PIK3R3: variants seen among roughly 807,000 people sequenced by gnomAD.
The protein encoded by PIK3R3 is phosphoinositide-3-kinase regulatory subunit 3.
PIK3R3 carries 64 observed loss-of-function variants against 62.9 expected under a neutral mutation model. That is an observed-to-expected ratio of 1.02 (90% confidence interval 0.83 to 1.25). The LOEUF (loss-of-function observed/expected upper bound fraction) is 1.25, where lower values mean the gene tolerates loss of function less well. PIK3R3 is among the 50% of genes most tolerant of loss of function. The pLI is 0.00. For synonymous variants in PIK3R3, 165 were observed against 189.0 expected, an observed-to-expected ratio of 0.87 and a Z score of 1.04; for missense variants, 614 against 561.6, an observed-to-expected ratio of 1.09 and a Z score of -0.94.
chr1:46,045,982 T>G lies in PIK3R3; in HGVS notation c.1123A>C (p.Lys375Gln). Residue 375 changes from lysine to glutamine, a missense_variant, in exon 9 of 10, where the codon AAA becomes CAA. Physicochemically the swap from Lys to Gln is moderately conservative, Grantham distance 53. Transcript: ENST00000262741. ...CGAATTAAGAATGCACCATCAGGTT[T>G]CCCATAAAGCAAGTCCTCTGCTTGT... ...RVQAEDLLYG[K>Q]PDGAFLIRES... 1 of 1,613,700 alleles carries G rather than the reference T, an allele frequency of 6.2e-7. No individual in the cohort carries two copies. Among genetic ancestry groups the G allele is most frequent in the Non-Finnish European group, 8.5e-7 (1 of 1,179,764 alleles).
rs118093486 is a variant in PIK3R3, at chr1:46,118,014, G to A, written c.106+13833C>T. 3.0e-3 allele frequency among the ~76,000 whole-genome samples: 443 copies of A among 149,124 alleles called. 3 individuals are homozygous for A. Among genetic ancestry groups the A allele is most frequent in the East Asian group, 0.022 (105 of 4,874 alleles). On this transcript the variant is annotated intron_variant, in intron 1 of 9. Transcript: ENST00000262741. ...GACCACTTGAGCCCAGGAGGTCAAG[G>A]CTACAGTGAGCTGTTGGTGACACTG...
At chr1:46,087,514 C>A (rs189041891) in intron 1 of PIK3R3, among the ~76,000 whole-genome samples, 1 of 151,832 alleles carries the variant, frequency 6.6e-6, no homozygotes, top group Admixed American at 6.6e-5. Context: ...GAGATTTTTT[C>A]CACAGAAACT....
At chr1:46,164,271 T>C in the PIK3R3 span, among the ~76,000 whole-genome samples, 3 of 152,122 alleles carry the variant, frequency 2.0e-5, no homozygotes, top group African/African-American at 7.2e-5. Flanking sequence ...AGCTGGAAAT[T>C]AGGATATCAT....
At chr1:46,149,742 G>A in the PIK3R3 span, among the ~76,000 whole-genome samples, 1 of 152,168 alleles carries the variant, frequency 6.6e-6, no homozygotes, top group East Asian at 1.9e-4. Context: ...AGTTGGCCAG[G>A]CTGATCTCAA....
At chr1:46,080,889 T>G (rs1650521429) in intron 1 of PIK3R3, 139 bp from the exon 2 acceptor site, 2 of 596,114 alleles carry the variant, frequency 3.4e-6, no homozygotes, top group Non-Finnish European at 5.9e-6. Context: ...ATGTTAAATG[T>G]TAGCAACAGA....
the PIK3R3 span, among the ~76,000 whole-genome samples, chr1:46,145,371 T>TAAA: frequency 9.3e-3 from 1,398 of 149,896 alleles, 76 homozygotes; most frequent in East Asian, 0.15. Context: ...GATAACTTTT[T>TAAA]AAAAAAAAAA....
chr1:46,147,057 G>A, the PIK3R3 span, among the ~76,000 whole-genome samples: 1 of 152,126 alleles, frequency 6.6e-6, no homozygotes, highest in Non-Finnish European at 1.5e-5. Context: ...TGCTTTCTCA[G>A]AACTTACCTG....
At chr1:46,142,491 G>C in the PIK3R3 span, among the ~76,000 whole-genome samples, 1 of 152,204 alleles carries the variant, frequency 6.6e-6, no homozygotes, top group Non-Finnish European at 1.5e-5. Context: ...GAGGTCAGGA[G>C]ATCGAGACCA....
chr1:46,071,730 TAGAGAGAGAG>T lies in PIK3R3; in HGVS notation c.315-4649_315-4640del, dbSNP rs140765040. 1.0e-4 allele frequency among the ~76,000 whole-genome samples: 6 copies of T among 59,064 alleles called. 1 individual carries two copies. Among genetic ancestry groups the T allele is most frequent in the East Asian group, 4.7e-4 (1 of 2,142 alleles). 38.7% of individuals were successfully genotyped at this position (59,064 alleles called of 152,430 possible). A position where few individuals can be genotyped will look rare whatever the true frequency, so the allele number is the denominator to read the frequency against. ...AAAAAAAAATATATATATATATATA[TAGAGAGAGAG>T]AGAGAGAGAGAGAGAGAGAGCGCGC... On this transcript the variant is annotated intron_variant, in intron 3 of 9. Transcript: ENST00000262741.
the PIK3R3 span, among the ~76,000 whole-genome samples, chr1:46,161,541 T>C: frequency 6.6e-6 from 1 of 152,228 alleles, no homozygotes; most frequent in South Asian, 2.1e-4. Flanking sequence ...TTTGATCCTC[T>C]GATCCAGTAA....
intron 3 of PIK3R3, among the ~76,000 whole-genome samples, chr1:46,075,305 G>A (rs1050925603): frequency 3.3e-5 from 5 of 152,100 alleles, no homozygotes; most frequent in African/African-American, 1.2e-4. Context: ...ATTAATTAAG[G>A]AAACTCATCC....
intron 3 of PIK3R3, among the ~76,000 whole-genome samples, chr1:46,070,942 A>G (rs1488599973): frequency 1.3e-5 from 2 of 152,208 alleles, no homozygotes; most frequent in Non-Finnish European, 2.9e-5. Context: ...AATACTATTT[A>G]CCAATTTAAA....
At chr1:46,115,389 C>G (rs1654097411) in intron 1 of PIK3R3, among the ~76,000 whole-genome samples, 1 of 152,188 alleles carries the variant, frequency 6.6e-6, no homozygotes, top group Admixed American at 6.5e-5. Context: ...CACATGTACT[C>G]TTAAACACCA....
chr1:46,077,918 C>G (rs772750874), intron 2 of PIK3R3, among the ~76,000 whole-genome samples: 4 of 152,080 alleles, frequency 2.6e-5, no homozygotes, highest in Non-Finnish European at 5.9e-5. Context: ...TTAGGCAGGT[C>G]TGAACTTGTA....
chr1:46,111,049 C>G (rs534287033), intron 1 of PIK3R3, among the ~76,000 whole-genome samples: 1 of 150,726 alleles, frequency 6.6e-6, no homozygotes, highest in East Asian at 2.0e-4. Context: ...CTGCCTCTAA[C>G]AAAATCTCTA....
intron 1 of PIK3R3, among the ~76,000 whole-genome samples, chr1:46,102,648 GT>G (rs1571501524): frequency 6.6e-6 from 1 of 152,006 alleles, no homozygotes; most frequent in East Asian, 1.9e-4. Flanking sequence ...AAAGAAGAGT[GT>G]TGGTAAGGAA....
the PIK3R3 span, among the ~76,000 whole-genome samples, chr1:46,172,900 C>T: frequency 4.6e-5 from 7 of 151,914 alleles, no homozygotes; most frequent in African/African-American, 9.7e-5. Flanking sequence ...GGCTGAGGCA[C>T]GAGAATCACT....
intron 1 of PIK3R3, among the ~76,000 whole-genome samples, chr1:46,117,784 A>C (rs1654316135): frequency 6.6e-6 from 1 of 151,922 alleles, no homozygotes; most frequent in Admixed American, 6.6e-5. Flanking sequence ...AAGAGAGAAA[A>C]ATAGGTCAGG....
At chr1:46,162,738 C>T in the PIK3R3 span, among the ~76,000 whole-genome samples, 3 of 152,088 alleles carry the variant, frequency 2.0e-5, no homozygotes, top group African/African-American at 4.8e-5. Flanking sequence ...TCTCCTGCCT[C>T]AGCCTCCGAA....
Sources: allele counts gnomAD v4.1 joint callset (sites outside exome capture counted in the v4.1 genomes callset), GRCh38; gene constraint gnomAD v4.1.1; transcripts MANE v1.5; gene names NCBI Gene and HGNC (gene_info 2026-07-23, HGNC 2026-07-21).